Variants in HGF observed in about 807,000 individuals in gnomAD.
The protein encoded by HGF is fibroblast-derived tumor cytotoxic factor.
In HGF, 39 loss-of-function variants were observed where a neutral mutation model predicts 111.6. The ratio of observed to expected loss-of-function variants is 0.35; its 90% CI spans 0.27 to 0.46. The LOEUF (loss-of-function observed/expected upper bound fraction) is 0.46. Among genes scored for constraint, HGF ranks in the 20% least tolerant of loss-of-function variants. The pLI, the probability that HGF is intolerant of heterozygous loss-of-function variation, is 1.00. For missense variants in HGF, 735 were observed against 910.5 expected (o/e 0.81, Z 2.48); for synonymous variants, 285 against 294.8 (o/e 0.97, Z 0.34).
chr7:81,715,008 T>C (rs923924011), intron 11 of HGF, among the ~76,000 whole-genome samples: 22 of 152,136 alleles, frequency 1.4e-4, no homozygotes, highest in African/African-American at 5.3e-4. Context: ...GCACATTACT[T>C]TTAGTTTAAA....
At chr7:81,717,188 C>T in intron 11 of HGF, 44 bp downstream of exon 11, 1 of 1,587,254 alleles carries the variant, frequency 6.3e-7, no homozygotes, top group Non-Finnish European at 8.6e-7. Flanking sequence ...AAATGTAGTA[C>T]ATTTAAAATA....
intron 5 of HGF, among the ~76,000 whole-genome samples, chr7:81,747,841 G>A (rs1427285697): frequency 6.6e-6 from 1 of 152,212 alleles, no homozygotes; most frequent in African/African-American, 2.4e-5. Context: ...GCTGAGGCAG[G>A]AGAATTGCTT....
At chr7:81,734,262 A>G (rs1361180230) in intron 7 of HGF, among the ~76,000 whole-genome samples, 1 of 152,196 alleles carries the variant, frequency 6.6e-6, no homozygotes. Flanking sequence ...GGGTATCAGC[A>G]GTGGCTACCC....
chr7:81,724,175 A>G (rs1307644749), intron 9 of HGF, among the ~76,000 whole-genome samples: 1 of 152,220 alleles, frequency 6.6e-6, no homozygotes, highest in African/African-American at 2.4e-5. Flanking sequence ...ACAGGAACAC[A>G]GAAGACTCAG....
At chr7:81,747,947 A>C (rs561777451) in intron 5 of HGF, among the ~76,000 whole-genome samples, 2 of 152,320 alleles carry the variant, frequency 1.3e-5, no homozygotes, top group South Asian at 2.1e-4. Context: ...AAAACAAAAA[A>C]CAAAAAACAA....
chr7:81,755,477 A>G (rs1788719420), intron 4 of HGF: 1 of 152,152 alleles, frequency 6.6e-6, no homozygotes, highest in African/African-American at 2.4e-5. Flanking sequence ...TTCATTGGTA[A>G]AAGAGCTGAT....
intron 1 of HGF, 45 bp from the exon 2 acceptor site, chr7:81,762,917 G>C (rs375599838): frequency 2.7e-5 from 31 of 1,133,588 alleles, no homozygotes; most frequent in Non-Finnish European, 3.7e-5. Context: ...TTGGAGAAAT[G>C]TTTTTAAGGC....
chr7:81,736,439 A>T (rs1051056016), intron 7 of HGF, among the ~76,000 whole-genome samples: 1 of 152,074 alleles, frequency 6.6e-6, no homozygotes, highest in African/African-American at 2.4e-5. Context: ...AAGGCACAAA[A>T]ATAGTGATGC....
At chr7:81,730,449 C>G (rs1787611576) in intron 7 of HGF, among the ~76,000 whole-genome samples, 2 of 152,078 alleles carry the variant, frequency 1.3e-5, no homozygotes, top group South Asian at 4.1e-4. Flanking sequence ...GAGTGAAAGT[C>G]TGTCTCAAAA....
intron 1 of HGF, among the ~76,000 whole-genome samples, chr7:81,764,063 G>A (rs373194769): frequency 1.3e-5 from 2 of 152,222 alleles, no homozygotes; most frequent in South Asian, 4.2e-4. Flanking sequence ...AATGTGGATA[G>A]TAGAGCAGGA....
chr7:81,767,738 A>G (rs1379736356), intron 1 of HGF, among the ~76,000 whole-genome samples: 3 of 152,194 alleles, frequency 2.0e-5, no homozygotes, highest in African/African-American at 7.2e-5. Context: ...AACTTACAGT[A>G]TATACTTCTT....
intron 10 of HGF, among the ~76,000 whole-genome samples, chr7:81,718,266 C>T (rs1789764803): frequency 6.6e-6 from 1 of 152,146 alleles, no homozygotes; most frequent in South Asian, 2.1e-4. Flanking sequence ...ACAGTAAACA[C>T]ATATAGTACT....
intron 11 of HGF, among the ~76,000 whole-genome samples, chr7:81,716,778 C>G (rs187990191): frequency 5.8e-4 from 89 of 152,162 alleles, no homozygotes; most frequent in African/African-American, 1.8e-3. Context: ...CTTCTTTAGT[C>G]TTAAATTAAA....
chr7:81,741,841 G>A (rs371017926), intron 7 of HGF, among the ~76,000 whole-genome samples: 14 of 151,192 alleles, frequency 9.3e-5, no homozygotes, highest in East Asian at 5.9e-4. Flanking sequence ...AGGAGGCTGA[G>A]GCAGGAGAAT....
intron 11 of HGF, among the ~76,000 whole-genome samples, chr7:81,714,579 G>C (rs1789660925): frequency 6.6e-6 from 1 of 151,988 alleles, no homozygotes; most frequent in South Asian, 2.1e-4. Context: ...TGGTAGTTAA[G>C]ATTTTTCTAA....
intron 8 of HGF, 123 bp downstream of exon 8, chr7:81,729,482 C>T (rs936231224): frequency 5.3e-6 from 4 of 754,476 alleles, no homozygotes; most frequent in Admixed American, 3.9e-5. Context: ...TGCCTTTTAA[C>T]TCCTGATTAT....
At chr7:81,713,249 G>A (rs757226875) in intron 11 of HGF, among the ~76,000 whole-genome samples, 9 of 152,050 alleles carry the variant, frequency 5.9e-5, no homozygotes, top group African/African-American at 1.9e-4. Flanking sequence ...ATGGCCTTGC[G>A]TGGTGGCTCG....
In HGF at chr7:81,700,323, A is replaced by G. The variant is rs1325088466; in HGVS notation, c.*2258T>C. On this transcript the variant is annotated 3_prime_UTR_variant, in exon 18 of 18. Transcript: ENST00000222390. ...TTGTCAATTCCACCCATGTCCCTCTATCACGAAAGGAGCCTCCCAAAGAGA... is the reference window on the plus strand; with the variant it reads ...TTGTCAATTCCACCCATGTCCCTCTGTCACGAAAGGAGCCTCCCAAAGAGA... 6.6e-6 allele frequency: 1 copy of G among 151,614 alleles called. No homozygotes were observed. The highest frequency in any genetic ancestry group is 2.4e-5 in the African/African-American group (1 of 41,398). 9.4% of individuals were successfully genotyped at this position (151,614 alleles called of 1,614,324 possible).
intron 7 of HGF, among the ~76,000 whole-genome samples, chr7:81,732,683 AAATC>A (rs1345298897): frequency 2.6e-5 from 4 of 152,142 alleles, no homozygotes; most frequent in African/African-American, 9.7e-5. Context: ...ATTCATTAAA[AAATC>A]AATATTTGGC....
Sources: gnomAD v4.1 joint callset for allele counts (sites outside exome capture counted in the v4.1 genomes callset) on GRCh38, gnomAD v4.1.1 for gene constraint, MANE v1.5 for transcripts, NCBI Gene and HGNC (gene_info 2026-07-23, HGNC 2026-07-21) for gene names.